The following PRKCQ variants were observed in gnomAD, a reference collection of about 807,000 sequenced individuals.
PRKCQ encodes protein kinase C theta type.
PRKCQ carries 41 observed loss-of-function variants against 91.2 expected under a neutral mutation model. The ratio of observed to expected loss-of-function variants is 0.45; its 90% CI spans 0.35 to 0.58. PRKCQ has a LOEUF of 0.58. PRKCQ is among the 20% of genes least tolerant of loss of function. PRKCQ has a pLI of 0.00. For synonymous variants in PRKCQ, 307 were observed against 316.9 expected (o/e 0.97, Z 0.33); for missense variants, 673 against 896.5 (o/e 0.75, Z 3.18).
intron 2 of PRKCQ, among the ~76,000 whole-genome samples, chr10:6,512,965 A>G (rs1196824258): frequency 6.6e-6 from 1 of 152,150 alleles, no homozygotes; most frequent in East Asian, 1.9e-4. Context: ...ACAGACCTGA[A>G]GCTTCCCTTT....
intron 1 of PRKCQ, among the ~76,000 whole-genome samples, chr10:6,572,969 C>T (rs1221030251): frequency 6.6e-6 from 1 of 152,032 alleles, no homozygotes; most frequent in African/African-American, 2.4e-5. Flanking sequence ...TTTTGATTTG[C>T]ATTTCTCTAA....
chr10:6,563,579 T>A (rs997569613), intron 1 of PRKCQ, among the ~76,000 whole-genome samples: 1 of 152,118 alleles, frequency 6.6e-6, no homozygotes, highest in African/African-American at 2.4e-5. Context: ...CAGCCTCCAA[T>A]TGCAGTCTAA....
the PRKCQ span, among the ~76,000 whole-genome samples, chr10:6,403,224 A>G: frequency 6.6e-6 from 1 of 152,184 alleles, no homozygotes; most frequent in Admixed American, 6.5e-5. Flanking sequence ...GACGGTGGAC[A>G]CTCAGAGGTG....
chr10:6,431,869 A>T (rs563002794), intron 16 of PRKCQ, among the ~76,000 whole-genome samples: 23 of 152,186 alleles, frequency 1.5e-4, no homozygotes, highest in Non-Finnish European at 2.6e-4. Flanking sequence ...ATACATACAT[A>T]TGTACATTCC....
At chr10:6,421,877 G>A in the PRKCQ span, among the ~76,000 whole-genome samples, 1 of 152,208 alleles carries the variant, frequency 6.6e-6, no homozygotes, top group Non-Finnish European at 1.5e-5. The surrounding 1 kb of genome is among the most constrained non-coding windows in gnomAD (Gnocchi z 4.1). Flanking sequence ...CACCATGGTA[G>A]TTAAGACACA....
At chr10:6,507,560 C>A in intron 3 of PRKCQ, 64 bp from the exon 4 acceptor site, 1 of 1,366,124 alleles carries the variant, frequency 7.3e-7, no homozygotes, top group Non-Finnish European at 1.0e-6. Context: ...TCAATGACAT[C>A]ACTGGCTACT....
chr10:6,434,469 G>A (rs1053045261), intron 16 of PRKCQ, among the ~76,000 whole-genome samples: 6 of 152,194 alleles, frequency 3.9e-5, no homozygotes, highest in Non-Finnish European at 8.8e-5. Flanking sequence ...TGCACAGAAC[G>A]GTAAATTAGT....
chr10:6,408,573 T>C, the PRKCQ span, among the ~76,000 whole-genome samples: 187 of 152,344 alleles, frequency 1.2e-3, 1 homozygote, highest in African/African-American at 4.3e-3. Context: ...CAGGTTGGTC[T>C]TGAACCCCTG....
chr10:6,428,151 T>C lies in PRKCQ; in HGVS notation c.*56A>G. On this transcript the variant is annotated 3_prime_UTR_variant, in exon 18 of 18. Transcript: ENST00000263125. ...GAAAAAGGAACCCAAGCAGTGTCTC[T>C]TGAACCAGTTCCCAGGGAGAAGGCA... 1.9e-6 allele frequency: 3 copies of C among 1,607,450 alleles called. No homozygotes were observed. The highest frequency in any genetic ancestry group is 8.5e-7 in the Non-Finnish European group (1 of 1,174,892).
At chr10:6,437,069 G>T (rs992544572) in intron 16 of PRKCQ, among the ~76,000 whole-genome samples, 1 of 152,188 alleles carries the variant, frequency 6.6e-6, no homozygotes, top group Non-Finnish European at 1.5e-5. Context: ...GAGTCTGGAG[G>T]TGCTCTCACG....
chr10:6,461,100 T>TATCC (rs140150098), intron 14 of PRKCQ, among the ~76,000 whole-genome samples: 2,972 of 150,064 alleles, frequency 0.02, 96 homozygotes, highest in African/African-American at 0.069. Context: ...ATCCATCATT[T>TATCC]ATCCATCCAT....
chr10:6,529,185 T>C (rs1839300689), intron 1 of PRKCQ, among the ~76,000 whole-genome samples: 1 of 152,224 alleles, frequency 6.6e-6, no homozygotes, highest in South Asian at 2.1e-4. Flanking sequence ...AGAAAGAAGC[T>C]AACTTCATCA....
At position 6,428,019 on chromosome 10, in the gene PRKCQ, G is replaced by A; in HGVS notation, c.*188C>T. The A allele has an allele frequency of 1.5e-6, 1 of 656,694 alleles. No individual in the cohort carries two copies. Among genetic ancestry groups the A allele is most frequent in the East Asian group, 2.8e-5 (1 of 35,230 alleles). The allele number at this position is 656,694 out of a possible 1,614,324, so 40.7% of individuals were successfully genotyped here. ...GACATGTCAGGAGACGAGACACACG[G>A]CATCGTCATTAGTGAAGTAGACTTG... On this transcript the variant is annotated 3_prime_UTR_variant, in exon 18 of 18. Coordinates refer to ENST00000263125, the MANE Select transcript of PRKCQ (RefSeq NM_006257.5).
intron 1 of PRKCQ, among the ~76,000 whole-genome samples, chr10:6,579,265 AG>A (rs1359908070): frequency 6.6e-6 from 1 of 152,172 alleles, no homozygotes; most frequent in Non-Finnish European, 1.5e-5. Context: ...GGACAGGAAG[AG>A]GGCACGGAGT....
At chr10:6,575,433 T>G (rs528302104) in intron 1 of PRKCQ, among the ~76,000 whole-genome samples, 1 of 152,356 alleles carries the variant, frequency 6.6e-6, no homozygotes, top group East Asian at 1.9e-4. Flanking sequence ...CACTTTATTC[T>G]CAACAACTAC....
the PRKCQ span, among the ~76,000 whole-genome samples, chr10:6,410,042 A>G: frequency 6.6e-6 from 1 of 152,190 alleles, no homozygotes; most frequent in Admixed American, 6.5e-5. Context: ...AAGGGGAAGG[A>G]GTGCAAGTCA....
chr10:6,545,885 C>G (rs892537940), intron 1 of PRKCQ, among the ~76,000 whole-genome samples: 2 of 151,960 alleles, frequency 1.3e-5, no homozygotes, highest in Non-Finnish European at 2.9e-5. Context: ...TGCCTGTAAT[C>G]CCAGCTATTC....
chr10:6,423,634 T>G (rs1833055556), downstream of PRKCQ, among the ~76,000 whole-genome samples: 1 of 152,156 alleles, frequency 6.6e-6, no homozygotes, highest in African/African-American at 2.4e-5. Flanking sequence ...GTTGCTAGTC[T>G]TAGCCCTCCT....
rs566603162 is a variant in PRKCQ, at chr10:6,498,630, G to A, written c.380-72C>T. 205 of 1,503,118 alleles carry A rather than the reference G, an allele frequency of 1.4e-4. 6 individuals are homozygous for A. In the South Asian group the frequency reaches 2.2e-3, roughly 16 times the overall value. The allele number at this position is 1,503,118 out of a possible 1,614,324, so 93.1% of individuals were successfully genotyped here. A position where few individuals can be genotyped will look rare whatever the true frequency, so the allele number is the denominator to read the frequency against. ...ACTCCTATTCTAAGCTGGGTCAGGA[G>A]GGGAGGGAGATGGGCAAGGGATGGA... On this transcript the variant is annotated intron_variant, in intron 4 of 17. Coordinates refer to ENST00000263125, the MANE Select transcript of PRKCQ (RefSeq NM_006257.5).
Sources: allele counts gnomAD v4.1 joint callset (sites outside exome capture counted in the v4.1 genomes callset), GRCh38; gene constraint gnomAD v4.1.1; non-coding constraint Gnocchi (gnomAD v3.1); transcripts MANE v1.5; gene names NCBI Gene and HGNC (gene_info 2026-07-23, HGNC 2026-07-21).